POLR3G: variants seen among roughly 807,000 people sequenced by gnomAD.
The protein encoded by POLR3G is DNA-directed RNA polymerase III subunit RPC7.
In POLR3G, 28 loss-of-function variants were observed where a neutral mutation model predicts 30.1. That is an observed-to-expected ratio of 0.93 (90% CI 0.69 to 1.27). POLR3G has a LOEUF of 1.27. Ranked by LOEUF, POLR3G falls within the 50% of genes most tolerant of loss-of-function variation. POLR3G has a pLI of 0.00. For synonymous variants in POLR3G, 79 were observed against 82.5 expected (o/e 0.96, Z 0.23); for missense variants, 254 against 264.6 (o/e 0.96, Z 0.28).
intron 4 of POLR3G, 87 bp from the exon 5 acceptor site, chr5:90,497,569 C>G: frequency 6.9e-7 from 1 of 1,442,520 alleles, no homozygotes. Context: ...ATTTTCTGGA[C>G]AACTGTTGTG....
chr5:90,476,752 C>T (rs867657680), intron 1 of POLR3G, among the ~76,000 whole-genome samples: 6 of 152,224 alleles, frequency 3.9e-5, no homozygotes, highest in African/African-American at 1.2e-4. Flanking sequence ...CCACATCTCA[C>T]TGGATATCCT....
intron 6 of POLR3G, among the ~76,000 whole-genome samples, chr5:90,506,080 T>A (rs1473680166): frequency 6.6e-6 from 1 of 151,782 alleles, no homozygotes; most frequent in African/African-American, 2.4e-5. Flanking sequence ...ACTAAAAAAA[T>A]TAGCCAGGCT....
Position 90,506,665 on chromosome 5 carries a change from G to C in POLR3G, c.576G>C (p.Glu192Asp). The stretch of plus-strand genomic sequence containing the variant: ...AACAGGAGGAATATGATGAAGAAGA[G>C]CAAGAAGAGGTAATGGTTCATTTGG... ...AAEQEEYDEEEQEEENDYINS... is the reference protein window; with the variant it reads ...AAEQEEYDEEDQEEENDYINS... Residue 192 changes from glutamate (E) to aspartate (D), a missense_variant, in exon 7 of 8, where the codon GAG (glutamate) becomes GAC (aspartate). Coordinates refer to ENST00000651687, the MANE Select transcript of POLR3G (RefSeq NM_006467.3). 1.2e-6 allele frequency: 2 copies of C among 1,604,598 alleles called. No homozygotes were observed. The highest frequency in any genetic ancestry group is 1.7e-5 in the Admixed American group (1 of 58,560).
intron 1 of POLR3G, among the ~76,000 whole-genome samples, chr5:90,484,367 C>T (rs557111759): frequency 2.8e-4 from 40 of 145,050 alleles, no homozygotes; most frequent in African/African-American, 9.9e-4. Context: ...GGGTTGAGAA[C>T]TGAGAGCCGC....
chr5:90,495,741 C>G lies in POLR3G; in HGVS notation c.304+8C>G, dbSNP rs780097585. On this transcript the variant is annotated splice_region_variant and intron_variant, in intron 4 of 7. Coordinates refer to ENST00000651687, the MANE Select transcript of POLR3G (RefSeq NM_006467.3). ...AGGAAGAATGGATACCAGGTAACTACAAAACACACAATATGAAAACAGTTT... is the reference window on the plus strand; with the variant it reads ...AGGAAGAATGGATACCAGGTAACTAGAAAACACACAATATGAAAACAGTTT... 4 of 1,587,808 alleles carry G rather than the reference C, an allele frequency of 2.5e-6. No individual in the cohort carries two copies. Among genetic ancestry groups the G allele is most frequent in the Non-Finnish European group, 3.4e-6 (4 of 1,169,466 alleles).
chr5:90,491,496 A>C (rs1019356335), intron 3 of POLR3G, among the ~76,000 whole-genome samples: 4 of 151,420 alleles, frequency 2.6e-5, no homozygotes, highest in African/African-American at 9.7e-5. Flanking sequence ...TTGATATACC[A>C]TCAGTGTCCA....
At chr5:90,474,426 G>T, upstream of POLR3G, 1 of 787,316 alleles carries the variant, frequency 1.3e-6, no homozygotes, top group Non-Finnish European at 2.1e-6. Flanking sequence ...CGAGGCGGGG[G>T]CGTGGGATGC....
chr5:90,474,133 G>A (rs770257882), upstream of POLR3G: 6 of 1,587,138 alleles, frequency 3.8e-6, no homozygotes, highest in Non-Finnish European at 4.3e-6. Context: ...AGGTACTCCG[G>A]GAGGCTGCGC....
At chr5:90,500,164 A>C (rs1752179926) in intron 5 of POLR3G, among the ~76,000 whole-genome samples, 1 of 152,142 alleles carries the variant, frequency 6.6e-6, no homozygotes, top group Non-Finnish European at 1.5e-5. Flanking sequence ...TTTTTATTAC[A>C]TATTGTGTAA....
intron 1 of POLR3G, among the ~76,000 whole-genome samples, chr5:90,477,158 A>G (rs1003233484): frequency 3.3e-5 from 5 of 152,150 alleles, no homozygotes; most frequent in Non-Finnish European, 7.4e-5. Context: ...GGAGAGGCCT[A>G]CCTCCATGTA....
At chr5:90,501,790 C>A in intron 5 of POLR3G, 116 bp from the exon 6 acceptor site, 1 of 1,115,298 alleles carries the variant, frequency 9.0e-7, no homozygotes, top group Non-Finnish European at 1.3e-6. Flanking sequence ...ACTCTGAAAA[C>A]TATGTGACTG....
rs769866286 is a variant in POLR3G, at chr5:90,512,100, C to T, written c.633C>T (p.Gly211=). 30 of 1,609,234 alleles carry T rather than the reference C, an allele frequency of 1.9e-5. No homozygotes were observed. The Admixed American group carries it at 2.0e-4, about 11-fold the overall frequency. ...ACTTTGAAGATGGAGATGATTTTGG[C>T]GCAGACAGTGATGACAACATGGATG... ...NSYFEDGDDF[G]ADSDDNMDEA... Residue 211 remains glycine, a synonymous_variant, in exon 8 of 8, where the codon GGC becomes GGT. Coordinates refer to ENST00000651687, the MANE Select transcript of POLR3G (RefSeq NM_006467.3).
intron 5 of POLR3G, 35 bp from the exon 6 acceptor site, chr5:90,501,870 TG>T: frequency 6.2e-7 from 1 of 1,606,746 alleles, no homozygotes. Context: ...GAGTTGCAGT[TG>T]CAGAAAAATG....
chr5:90,483,387 G>A (rs1051444470), intron 1 of POLR3G, among the ~76,000 whole-genome samples: 8 of 152,112 alleles, frequency 5.3e-5, no homozygotes, highest in African/African-American at 1.7e-4. Flanking sequence ...ATCAAATGCC[G>A]TGCATTCTAC....
intron 3 of POLR3G, 80 bp from the exon 4 acceptor site, chr5:90,495,597 T>C (rs989485653): frequency 2.0e-6 from 3 of 1,533,294 alleles, no homozygotes; most frequent in Admixed American, 2.1e-5. Context: ...TCTGTTGTTT[T>C]CAATAATCTT....
chr5:90,498,072 T>C (rs1176153659), intron 5 of POLR3G, among the ~76,000 whole-genome samples: 2 of 152,186 alleles, frequency 1.3e-5, no homozygotes, highest in Admixed American at 6.5e-5. Context: ...ACTGCACCAC[T>C]GCACTTAAGC....
intron 1 of POLR3G, among the ~76,000 whole-genome samples, chr5:90,481,631 A>G (rs934371301): frequency 1.3e-5 from 2 of 152,202 alleles, no homozygotes; most frequent in African/African-American, 4.8e-5. Flanking sequence ...GAAGCATTGT[A>G]TAGGGCACTG....
chr5:90,506,043 T>C (rs1295910406), intron 6 of POLR3G, among the ~76,000 whole-genome samples: 5 of 152,012 alleles, frequency 3.3e-5, no homozygotes, highest in Admixed American at 2.0e-4. Flanking sequence ...GAGACCAGCA[T>C]AGCCAACATG....
rs942020267 is a variant in POLR3G, at chr5:90,493,584, C to G, written c.248-2093C>G. ...TTTTTAAGTAACAGCTTTACTGAGA[C>G]ATAATCCACTATATAAAATTTACTT... On this transcript the variant is annotated intron_variant, in intron 3 of 7. Coordinates refer to ENST00000651687, the MANE Select transcript of POLR3G (RefSeq NM_006467.3). 2.0e-5 allele frequency among the ~76,000 whole-genome samples: 3 copies of G among 146,834 alleles called. No individual in the cohort carries two copies. The East Asian group carries it at 6.4e-4, about 31-fold the overall frequency.
Sources: allele counts gnomAD v4.1 joint callset (sites outside exome capture counted in the v4.1 genomes callset), GRCh38; gene constraint gnomAD v4.1.1; transcripts MANE v1.5; gene names NCBI Gene and HGNC (gene_info 2026-07-23, HGNC 2026-07-21).